AUTS2: variants seen among roughly 807,000 people sequenced by gnomAD.
AUTS2 encodes autism susceptibility gene 2 protein.
AUTS2 carries 17 observed loss-of-function variants against 112.4 expected under a neutral mutation model. The ratio of observed to expected loss-of-function variants is 0.15; its 90% confidence interval spans 0.10 to 0.23. The LOEUF (loss-of-function observed/expected upper bound fraction) is 0.23, where lower values mean the gene tolerates loss of function less well. Ranked by LOEUF, AUTS2 falls within the 10% of genes least tolerant of loss-of-function variation. AUTS2 has a pLI of 1.00. For synonymous variants in AUTS2, 751 were observed against 702.7 expected (o/e 1.07, Z -1.09); for missense variants, 1,510 against 1,701.6 (o/e 0.89, Z 1.98).
chr7:70,203,321 G>T, intron 4 of AUTS2, among the ~76,000 whole-genome samples: 2 of 99,906 alleles, frequency 2.0e-5, no homozygotes, highest in Non-Finnish European at 3.8e-5. Context: ...ATGTGCACAT[G>T]TACCCTAAAA....
At chr7:69,739,175 A>T (rs1787161879) in intron 1 of AUTS2, among the ~76,000 whole-genome samples, 1 of 152,164 alleles carries the variant, frequency 6.6e-6, no homozygotes, top group Admixed American at 6.5e-5. Context: ...TCCTGCCCTG[A>T]AAACCTTATC....
intron 2 of AUTS2, among the ~76,000 whole-genome samples, chr7:69,923,579 A>G (rs1437594577): frequency 6.6e-6 from 1 of 152,186 alleles, no homozygotes; most frequent in Non-Finnish European, 1.5e-5. Flanking sequence ...TTGAGTTTTC[A>G]ACTCTCGAAC....
At chr7:70,440,268 C>G (rs988509815) in intron 5 of AUTS2, among the ~76,000 whole-genome samples, 1 of 149,772 alleles carries the variant, frequency 6.7e-6, no homozygotes, top group Admixed American at 6.7e-5. Flanking sequence ...CTTAACCAGG[C>G]ATGGTGGCAT....
chr7:70,790,736 T>C lies in AUTS2; in HGVS notation c.3520T>C (p.Ser1174Pro). The change falls in exon 19 of 19, where the codon TCC (serine) becomes CCC (proline). Residue 1174 changes from serine to proline, a missense_variant. Physicochemically the swap from Ser to Pro is moderately conservative, Grantham distance 74. This residue lies in a region of AUTS2 where 788 missense variants were observed against 797.6 expected (regional missense o/e 0.99). Coordinates refer to ENST00000342771, the MANE Select transcript of AUTS2 (RefSeq NM_015570.4). This position sits in a 1 kb window ranked among gnomAD's most constrained non-coding sequence, Gnocchi z 7.6. ...HTRLHSVHPA[S>P]LDGHLPHPSL... ...GCGGCTCCACTCCGTGCACCCCGCC[T>C]CCCTCGACGGACACCTCCCCCACCC... 1 of 1,613,062 alleles carries C rather than the reference T, an allele frequency of 6.2e-7. No individual in the cohort carries two copies. The highest frequency in any genetic ancestry group is 8.5e-7 in the Non-Finnish European group (1 of 1,179,870).
intron 1 of AUTS2, among the ~76,000 whole-genome samples, chr7:69,743,966 TA>T (rs1252102211): frequency 9.4e-5 from 14 of 149,230 alleles, no homozygotes; most frequent in African/African-American, 3.1e-4. Context: ...CTAGGCTAAT[TA>T]ACATTTTTTT....
At chr7:70,062,737 A>C (rs973738009) in intron 2 of AUTS2, among the ~76,000 whole-genome samples, 15 of 152,248 alleles carry the variant, frequency 9.9e-5, no homozygotes, top group Admixed American at 9.8e-4. Context: ...AATAAAATTT[A>C]GACTTACCTC....
At chr7:69,947,645 G>A (rs578102451) in intron 2 of AUTS2, among the ~76,000 whole-genome samples, 12 of 151,882 alleles carry the variant, frequency 7.9e-5, no homozygotes, top group South Asian at 2.1e-4. Context: ...TTTCTGTTTC[G>A]GGCCATGAAA....
chr7:69,610,562 C>T (rs552059222), intron 1 of AUTS2, among the ~76,000 whole-genome samples: 6 of 152,234 alleles, frequency 3.9e-5, no homozygotes, highest in African/African-American at 1.4e-4. Context: ...GCACGTGTTC[C>T]CGGTGCTCTG....
intron 5 of AUTS2, among the ~76,000 whole-genome samples, chr7:70,441,002 T>C (rs1236141589): frequency 6.6e-6 from 1 of 152,234 alleles, no homozygotes; most frequent in Non-Finnish European, 1.5e-5. Context: ...TCCCCGTGTT[T>C]AATGCTCTTG....
chr7:69,837,072 C>T (rs761973294), intron 1 of AUTS2, among the ~76,000 whole-genome samples: 2 of 152,038 alleles, frequency 1.3e-5, no homozygotes, highest in African/African-American at 2.4e-5. Flanking sequence ...CATGAAATAG[C>T]GACAAATCAG....
At chr7:70,434,073 A>G (rs1473918205) in intron 4 of AUTS2, among the ~76,000 whole-genome samples, 1 of 152,150 alleles carries the variant, frequency 6.6e-6, no homozygotes, top group Non-Finnish European at 1.5e-5. Context: ...GATGGCTGCT[A>G]CGTATCTGGA....
intron 5 of AUTS2, among the ~76,000 whole-genome samples, chr7:70,471,749 T>G (rs1290515894): frequency 1.3e-5 from 2 of 152,190 alleles, no homozygotes; most frequent in East Asian, 3.9e-4. Flanking sequence ...AGGAAGGCCT[T>G]GCTGAGAAGG....
rs534535662 is a variant in AUTS2, at chr7:69,782,585, A to G, written c.310-116701A>G. Among the ~76,000 whole-genome samples, 3 of 152,140 alleles carry G rather than the reference A, an allele frequency of 2.0e-5. No individual in the cohort carries two copies. In the South Asian group the frequency reaches 6.2e-4, roughly 32 times the overall value. On this transcript the variant is annotated intron_variant, in intron 1 of 18. Coordinates refer to ENST00000342771, the MANE Select transcript of AUTS2 (RefSeq NM_015570.4). ...TTTTCCCAGCTGGTTCCTGGGTTAT[A>G]TTGCCAAAGTCCCTGGTTGGTATGC...
At chr7:70,000,905 C>T (rs750074369) in intron 2 of AUTS2, among the ~76,000 whole-genome samples, 2 of 152,138 alleles carry the variant, frequency 1.3e-5, no homozygotes, top group Admixed American at 6.5e-5. Flanking sequence ...ACTGTATGCC[C>T]ATTGGCCGGG....
intron 1 of AUTS2, among the ~76,000 whole-genome samples, chr7:69,839,909 G>A (rs1180051147): frequency 1.3e-5 from 2 of 152,054 alleles, no homozygotes; most frequent in Non-Finnish European, 2.9e-5. Context: ...AAGATAAAGA[G>A]GCAGATAAGA....
At chr7:70,764,497 T>G (rs183997605) in intron 7 of AUTS2, among the ~76,000 whole-genome samples, 124 of 152,166 alleles carry the variant, frequency 8.1e-4, no homozygotes, top group Non-Finnish European at 1.4e-3. Context: ...TTAGGCAGAA[T>G]GAGCTGTCTC....
intron 4 of AUTS2, among the ~76,000 whole-genome samples, chr7:70,288,971 C>T (rs992749749): frequency 2.0e-5 from 3 of 152,044 alleles, no homozygotes; most frequent in Admixed American, 6.5e-5. Flanking sequence ...ACCCAGGACC[C>T]GGTAGAGAAT....
At chr7:70,585,837 T>G (rs568795340) in intron 5 of AUTS2, among the ~76,000 whole-genome samples, 20 of 5,422 alleles carry the variant, frequency 3.7e-3, no homozygotes, top group East Asian at 9.4e-3. Context: ...AATAAAGATT[T>G]ATTTATTTAT....
Position 70,763,285 on chromosome 7 carries a change from C to T in AUTS2, c.1158C>T (p.Ser386=), listed in dbSNP as rs1441088244. 2.5e-6 allele frequency: 4 copies of T among 1,606,368 alleles called. No homozygotes were observed. In the African/African-American group the frequency reaches 5.4e-5, roughly 21 times the overall value. The part of the protein sequence containing the change: ...PPVQAHPSAQ[S]LSQPLSAYNS... ...TGCAGGCCCACCCCTCTGCTCAGAG[C>T]CTCTCCCAGCCATTGTCAGCCTACA... The change falls in exon 7 of 19, where the codon AGC becomes AGT. Residue 386 remains serine, a synonymous_variant. Coordinates refer to ENST00000342771, the MANE Select transcript of AUTS2 (RefSeq NM_015570.4).
Sources: gnomAD v4.1 joint callset for allele counts (sites outside exome capture counted in the v4.1 genomes callset) on GRCh38, gnomAD v4.1.1 for gene constraint, gnomAD v4.1.1 regional missense constraint, Gnocchi (gnomAD v3.1) non-coding constraint, MANE v1.5 for transcripts, NCBI Gene and HGNC (gene_info 2026-07-23, HGNC 2026-07-21) for gene names.